MICAL3: variants seen among roughly 807,000 people sequenced by gnomAD.
MICAL3 encodes [F-actin]-monooxygenase MICAL3.
A neutral mutation model predicts 207.4 loss-of-function variants in MICAL3; 62 were observed. The observed-to-expected ratio is 0.30, with a 90% CI of 0.24 to 0.37. The LOEUF is 0.37. Ranked by LOEUF, MICAL3 falls within the 10% of genes least tolerant of loss-of-function variation. The probability of loss-of-function intolerance (pLI) is 1.00; values close to 1 mark genes in which losing one functional copy is unlikely to be tolerated. For missense variants in MICAL3, 2,368 were observed against 2,635.6 expected (o/e 0.90, Z 2.22); for synonymous variants, 1,077 against 1,069.3 (o/e 1.01, Z -0.14).
rs963856119 is a variant in MICAL3 at position 17,817,736 on chromosome 22, C to T, written c.4925G>A (p.Gly1642Asp). The stretch of plus-strand genomic sequence containing the variant: ...GGGGGAGTCAGGCCGGCGCTCCTTG[C>T]CCTGGGAGGGTGCTGAGGACGCCTT... ...PRKASSAPSQ[G>D]KERRPDSPTR... The change falls in exon 26 of 32, where the codon GGC (glycine) becomes GAC (aspartate). Residue 1642 changes from glycine (G) to aspartate (D), a missense_variant. This residue lies in a region of MICAL3 where 1,770 missense variants were observed against 1,863.2 expected (regional missense o/e 0.95). Coordinates refer to ENST00000441493, the MANE Select transcript of MICAL3 (RefSeq NM_015241.3). 1.3e-5 allele frequency: 21 copies of T among 1,590,312 alleles called. No homozygotes were observed. The highest frequency in any genetic ancestry group is 1.7e-5 in the Non-Finnish European group (20 of 1,169,366).
intron 16 of MICAL3, among the ~76,000 whole-genome samples, chr22:17,873,005 C>A (rs1446335957): frequency 6.6e-6 from 1 of 152,254 alleles, no homozygotes; most frequent in Admixed American, 6.5e-5. Context: ...ACACAGTGCT[C>A]ACAGGCAGGG....
At chr22:17,949,663 T>C (rs1401826213) in intron 1 of MICAL3, among the ~76,000 whole-genome samples, 1 of 152,220 alleles carries the variant, frequency 6.6e-6, no homozygotes, top group African/African-American at 2.4e-5. Flanking sequence ...AAATGGGGAC[T>C]GTCAGTCAAT....
chr22:17,915,153 C>A (rs1187581322), intron 1 of MICAL3, among the ~76,000 whole-genome samples: 1 of 152,242 alleles, frequency 6.6e-6, no homozygotes, highest in Non-Finnish European at 1.5e-5. Flanking sequence ...TCTATAACGT[C>A]GGTGCAGAAG....
chr22:18,012,548 A>T (rs1221073672), intron 1 of MICAL3, among the ~76,000 whole-genome samples: 1 of 152,206 alleles, frequency 6.6e-6, no homozygotes, highest in Non-Finnish European at 1.5e-5. Flanking sequence ...CATAAGTGCC[A>T]TATTGATTCC....
intron 1 of MICAL3, among the ~76,000 whole-genome samples, chr22:17,943,931 G>A (rs1438179231): frequency 6.6e-6 from 1 of 152,182 alleles, no homozygotes; most frequent in Non-Finnish European, 1.5e-5. Context: ...GTGAGAAGCA[G>A]AGGACAAAAA....
chr22:17,792,195 G>T (rs747708504), intron 29 of MICAL3, among the ~76,000 whole-genome samples: 3 of 152,252 alleles, frequency 2.0e-5, no homozygotes, highest in Non-Finnish European at 4.4e-5. Flanking sequence ...TTGGAGCACA[G>T]AAGTTCATGG....
chr22:17,868,272 A>C lies in MICAL3; in HGVS notation c.2429-2260T>G, dbSNP rs116519335. 2.8e-3 allele frequency among the ~76,000 whole-genome samples: 420 copies of C among 152,152 alleles called. 2 individuals carry two copies. Among genetic ancestry groups the C allele is most frequent in the African/African-American group, 9.4e-3 (392 of 41,498 alleles). Reference sequence around the variant, plus strand: ...ACAAGTCACGTGTACGCATCTCCCCATATCCTTTCCCAAACTCAACACGAT... The same window carrying C: ...ACAAGTCACGTGTACGCATCTCCCCCTATCCTTTCCCAAACTCAACACGAT... On this transcript the variant is annotated intron_variant, in intron 17 of 31. Coordinates refer to ENST00000441493, the MANE Select transcript of MICAL3 (RefSeq NM_015241.3).
intron 1 of MICAL3, among the ~76,000 whole-genome samples, chr22:17,934,450 A>C (rs1205680210): frequency 2.6e-5 from 4 of 152,360 alleles, no homozygotes; most frequent in African/African-American, 9.6e-5. Context: ...TATTGATGGA[A>C]CTTATCTGAA....
intron 1 of MICAL3, among the ~76,000 whole-genome samples, chr22:17,908,247 G>A (rs1931886507): frequency 6.6e-6 from 1 of 152,188 alleles, no homozygotes; most frequent in African/African-American, 2.4e-5. Flanking sequence ...AAGCACTGTT[G>A]CACGAACCCT....
intron 1 of MICAL3, among the ~76,000 whole-genome samples, chr22:17,929,563 CT>C (rs1468952826): frequency 1.0e-5 from 1 of 95,610 alleles, no homozygotes; most frequent in Non-Finnish European, 2.1e-5. Context: ...CTTTCCTTTT[CT>C]TTTCTTTTTT....
chr22:17,808,984 T>C (rs747870912), intron 28 of MICAL3, 47 bp from the exon 29 acceptor site: 4 of 1,476,068 alleles, frequency 2.7e-6, no homozygotes, highest in Non-Finnish European at 9.2e-7. Context: ...CAGCCCTGCT[T>C]CAGGAGGACA....
intron 19 of MICAL3, among the ~76,000 whole-genome samples, chr22:17,850,565 T>C (rs899092098): frequency 7.2e-5 from 11 of 151,770 alleles, no homozygotes; most frequent in African/African-American, 2.4e-4. Flanking sequence ...GCGCCTGCCA[T>C]CATGCCCGGC....
chr22:17,900,116 C>T lies in MICAL3; in HGVS notation c.848-568G>A, dbSNP rs528604509. Among the ~76,000 whole-genome samples the T allele has an allele frequency of 2.6e-5, 4 of 152,276 alleles. No individual in the cohort carries two copies. Among genetic ancestry groups the T allele is most frequent in the East Asian group, 1.9e-4 (1 of 5,178 alleles). The stretch of plus-strand genomic sequence containing the variant: ...AACAATCTCATCGCTATCTGACACA[C>T]GGTTTGCCTTCAAGCCTGAGCTGGA... On this transcript the variant is annotated intron_variant, in intron 6 of 31. Transcript: ENST00000441493. This position sits in a 1 kb window ranked among gnomAD's most constrained non-coding sequence, Gnocchi z 4.0.
Position 17,896,228 on chromosome 22 carries a change from C to G in MICAL3, c.1322+18G>C, listed in dbSNP as rs747503261. Reference sequence around the variant, plus strand: ...CCCAGTTTTCTCATGAAAGGAACCCCGGGTTACTTCCCATTACCTCTCTGC... The same window carrying G: ...CCCAGTTTTCTCATGAAAGGAACCCGGGGTTACTTCCCATTACCTCTCTGC... On this transcript the variant is annotated intron_variant, in intron 9 of 31. Coordinates refer to ENST00000441493, the MANE Select transcript of MICAL3 (RefSeq NM_015241.3). 2.7e-6 allele frequency: 4 copies of G among 1,457,402 alleles called. No homozygotes were observed. The highest frequency in any genetic ancestry group is 1.4e-5 in the African/African-American group (1 of 71,196). 90.3% of individuals were successfully genotyped at this position (1,457,402 alleles called of 1,614,324 possible).
At chr22:17,834,376 C>T (rs8139723) in intron 20 of MICAL3, 67,037 of 1,249,430 alleles carry the variant, frequency 0.054, 2,242 homozygotes, top group African/African-American at 0.15. Context: ...CCCCTCACAA[C>T]GCACTTGCTA....
chr22:17,985,973 T>A (rs1354267707), intron 1 of MICAL3, among the ~76,000 whole-genome samples: 1 of 152,158 alleles, frequency 6.6e-6, no homozygotes, highest in Non-Finnish European at 1.5e-5. Context: ...GTGGCAGCAA[T>A]CTCGGCTCAC....
intron 8 of MICAL3, 40 bp downstream of exon 8, chr22:17,896,684 C>A (rs1930869091): frequency 1.3e-6 from 2 of 1,596,896 alleles, no homozygotes; most frequent in Non-Finnish European, 1.7e-6. Flanking sequence ...CCTAATTATT[C>A]CTGCCCCTAC....
intron 29 of MICAL3, among the ~76,000 whole-genome samples, chr22:17,798,673 CTTTTT>C (rs375673869): frequency 3.1e-5 from 4 of 130,680 alleles, no homozygotes; most frequent in Non-Finnish European, 1.6e-5. Context: ...GGAGCAATGC[CTTTTT>C]TTTTTTTTTT....
At position 17,979,591 on chromosome 22, in the gene MICAL3, T is replaced by C. The variant is rs572289657; in HGVS notation, c.-75+44690A>G. ...GTAAAAAGAATAGAGATGTTGAGTC[T>C]TTTTACCAAAGATTTCATTAGAGGA... On this transcript the variant is annotated intron_variant, in intron 1 of 31. Coordinates refer to ENST00000441493, the MANE Select transcript of MICAL3 (RefSeq NM_015241.3). Among the ~76,000 whole-genome samples, 6 of 152,178 alleles carry C rather than the reference T, an allele frequency of 3.9e-5. No individual in the cohort carries two copies. The East Asian group carries it at 1.2e-3, about 29-fold the overall frequency.
Sources: allele counts gnomAD v4.1 joint callset (sites outside exome capture counted in the v4.1 genomes callset), GRCh38; gene constraint gnomAD v4.1.1; regional missense constraint gnomAD v4.1.1; non-coding constraint Gnocchi (gnomAD v3.1); transcripts MANE v1.5; gene names NCBI Gene and HGNC (gene_info 2026-07-23, HGNC 2026-07-21).